CDH13: variants seen among roughly 807,000 people sequenced by gnomAD.
CDH13 encodes cadherin 13, also known as cadherin-13.
In CDH13, 24 loss-of-function variants were observed where a neutral mutation model predicts 63.8. The ratio of observed to expected loss-of-function variants is 0.38; its 90% CI spans 0.27 to 0.53. The LOEUF is 0.53. CDH13 is among the 20% of genes least tolerant of loss of function. The probability of loss-of-function intolerance (pLI) is 0.85; values close to 1 mark genes in which losing one functional copy is unlikely to be tolerated. For synonymous variants in CDH13, 503 were observed against 355.3 expected (o/e 1.42, Z -4.67); for missense variants, 1,049 against 903.1 (o/e 1.16, Z -2.07).
intron 10 of CDH13, among the ~76,000 whole-genome samples, chr16:83,698,986 A>G (rs8048066): frequency 0.66 from 99,875 of 152,160 alleles, 33,296 homozygotes; most frequent in Middle Eastern, 0.8. Flanking sequence ...CACCCCTACC[A>G]GCATTATGGT....
intron 5 of CDH13, among the ~76,000 whole-genome samples, chr16:83,267,063 G>A (rs538119142): frequency 6.6e-6 from 1 of 152,124 alleles, no homozygotes; most frequent in East Asian, 1.9e-4. Flanking sequence ...TTTTTTCTCA[G>A]TGTTAAGAAT....
chr16:83,652,564 C>T (rs1043855229), intron 8 of CDH13, among the ~76,000 whole-genome samples: 1 of 151,362 alleles, frequency 6.6e-6, no homozygotes, highest in African/African-American at 2.5e-5. Flanking sequence ...AGACAAGGCT[C>T]TCATTGTACC....
At chr16:82,823,139 G>A (rs2038082457) in intron 1 of CDH13, 2 of 152,198 alleles carry the variant, frequency 1.3e-5, no homozygotes, top group Admixed American at 6.5e-5. Context: ...TGGACAAGCT[G>A]TACTACCTTT....
At chr16:82,930,538 T>TC (rs2042457343) in intron 2 of CDH13, among the ~76,000 whole-genome samples, 1 of 152,194 alleles carries the variant, frequency 6.6e-6, no homozygotes, top group Non-Finnish European at 1.5e-5. Flanking sequence ...TTATCTATTT[T>TC]ATTTTTTTAG....
chr16:82,916,271 G>T (rs931326505), intron 2 of CDH13, among the ~76,000 whole-genome samples: 1 of 152,058 alleles, frequency 6.6e-6, no homozygotes, highest in Admixed American at 6.6e-5. Context: ...CGTGTAAAAT[G>T]ATTCAAATAA....
intron 5 of CDH13, among the ~76,000 whole-genome samples, chr16:83,334,331 TCC>T (rs2090542490): frequency 7.2e-6 from 1 of 138,154 alleles, no homozygotes; most frequent in Non-Finnish European, 1.5e-5. Context: ...TCTCCCTCTC[TCC>T]CTTTCTCCCT....
chr16:82,724,897 C>T (rs1211266662), intron 1 of CDH13, among the ~76,000 whole-genome samples: 1 of 152,192 alleles, frequency 6.6e-6, no homozygotes, highest in Admixed American at 6.5e-5. Flanking sequence ...GCCATTCTCT[C>T]TGTGACTCAG....
chr16:82,956,439 A>G (rs1387044436), intron 2 of CDH13, among the ~76,000 whole-genome samples: 1 of 146,276 alleles, frequency 6.8e-6, no homozygotes, highest in African/African-American at 2.5e-5. Flanking sequence ...GGAACTCCTC[A>G]TGGATCGTTA....
intron 3 of CDH13, among the ~76,000 whole-genome samples, chr16:83,097,471 A>C (rs2034263143): frequency 1.3e-5 from 2 of 152,206 alleles, no homozygotes; most frequent in South Asian, 4.1e-4. Flanking sequence ...AAAGTCTATA[A>C]AATAATGAAC....
At chr16:83,068,075 G>C (rs564838735) in intron 3 of CDH13, among the ~76,000 whole-genome samples, 2 of 152,312 alleles carry the variant, frequency 1.3e-5, no homozygotes, top group Admixed American at 1.3e-4. Context: ...AAGATACAAG[G>C]AGGACTTGGC....
intron 3 of CDH13, among the ~76,000 whole-genome samples, chr16:83,106,760 T>C (rs1487709147): frequency 4.6e-5 from 7 of 152,196 alleles, no homozygotes; most frequent in Non-Finnish European, 1.0e-4. Context: ...AAACAAAAAG[T>C]ATATTACAAC....
intron 11 of CDH13, 116 bp downstream of exon 11, chr16:83,748,366 G>A (rs1345619906): frequency 2.2e-6 from 2 of 895,578 alleles, no homozygotes; most frequent in Non-Finnish European, 3.4e-6. Flanking sequence ...GTAAGTGTGT[G>A]GGAACAGCAA....
intron 6 of CDH13, among the ~76,000 whole-genome samples, chr16:83,356,232 G>A (rs1050880640): frequency 6.0e-4 from 87 of 145,186 alleles, no homozygotes; most frequent in African/African-American, 1.2e-3. Flanking sequence ...GTGTGTGTGT[G>A]TGTGTGTGTG....
chr16:83,699,859 C>A (rs1905953133), intron 10 of CDH13, among the ~76,000 whole-genome samples: 1 of 152,190 alleles, frequency 6.6e-6, no homozygotes, highest in Non-Finnish European at 1.5e-5. Context: ...ATGTACCCAG[C>A]CTCAGCACAT....
At chr16:83,373,733 C>G (rs1305795413) in intron 6 of CDH13, among the ~76,000 whole-genome samples, 4 of 152,186 alleles carry the variant, frequency 2.6e-5, no homozygotes, top group Admixed American at 2.0e-4. Flanking sequence ...TCCGCTTTAC[C>G]TTTCACTAGT....
intron 10 of CDH13, among the ~76,000 whole-genome samples, chr16:83,711,260 C>T (rs1376618489): frequency 6.6e-6 from 1 of 152,186 alleles, no homozygotes; most frequent in Non-Finnish European, 1.5e-5. Context: ...ATCAAGTGGG[C>T]TGAAGGAATA....
intron 1 of CDH13, among the ~76,000 whole-genome samples, chr16:82,652,249 G>A (rs1330528391): frequency 6.6e-6 from 1 of 152,196 alleles, no homozygotes; most frequent in African/African-American, 2.4e-5. Flanking sequence ...CTGTCATGGT[G>A]GAACCCCTGG....
intron 3 of CDH13, among the ~76,000 whole-genome samples, chr16:83,039,802 C>T (rs1031195731): frequency 3.9e-5 from 6 of 152,110 alleles, no homozygotes; most frequent in South Asian, 2.1e-4. Context: ...CCAAGCTTTC[C>T]CATCCCTTCA....
At chr16:82,859,850 A>C (rs1251010317) in intron 2 of CDH13, 1 of 152,214 alleles carries the variant, frequency 6.6e-6, no homozygotes, top group Non-Finnish European at 1.5e-5. Context: ...GGAGCTGTCC[A>C]AGGTGAAGCC....
Sources: allele counts gnomAD v4.1 joint callset (sites outside exome capture counted in the v4.1 genomes callset), GRCh38; gene constraint gnomAD v4.1.1; transcripts MANE v1.5; gene names NCBI Gene and HGNC (gene_info 2026-07-23, HGNC 2026-07-21).